The following CSMD1 variants were observed in gnomAD, a reference collection of about 807,000 sequenced individuals.
CSMD1 encodes the protein CUB and Sushi multiple domains 1.
Under a neutral mutation model 417.5 loss-of-function variants are expected in CSMD1, and 213 were observed. That is an observed-to-expected ratio of 0.51 (90% CI 0.46 to 0.57). The LOEUF is 0.57. CSMD1 is among the 20% of genes least tolerant of loss of function. The probability of loss-of-function intolerance (pLI) is 0.00; values close to 1 mark genes in which losing one functional copy is unlikely to be tolerated. For missense variants in CSMD1, 6,923 were observed against 4,529.7 expected (o/e 1.53, Z -15.17); for synonymous variants, 2,862 against 1,736.8 (o/e 1.65, Z -16.11).
chr8:4,484,300 C>G lies in CSMD1; in HGVS notation c.303-64235G>C, dbSNP rs183340625. ...TTTCATTTTGTTTTGTCCCTCTGTC[C>G]TGATCATTTCTAAGTTATCTGGATT... On this transcript the variant is annotated intron_variant, in intron 2 of 69. Transcript: ENST00000635120. Among the ~76,000 whole-genome samples, 3 of 151,942 alleles carry G rather than the reference C, an allele frequency of 2.0e-5. No individual in the cohort carries two copies. The East Asian group carries it at 5.8e-4, about 29-fold the overall frequency.
chr8:4,808,971 T>A (rs74663638), intron 1 of CSMD1, among the ~76,000 whole-genome samples: 1 of 152,112 alleles, frequency 6.6e-6, no homozygotes, highest in African/African-American at 2.4e-5. Flanking sequence ...ATCCAGAAAA[T>A]CTTGTTTAAA....
chr8:4,132,668 A>T (rs1803182412), intron 3 of CSMD1, among the ~76,000 whole-genome samples: 1 of 152,122 alleles, frequency 6.6e-6, no homozygotes, highest in African/African-American at 2.4e-5. Flanking sequence ...ACTCATGACA[A>T]ACCTGATGAG....
intron 2 of CSMD1, among the ~76,000 whole-genome samples, chr8:4,482,846 A>G (rs2130139869): frequency 1.3e-5 from 2 of 152,252 alleles, no homozygotes; most frequent in African/African-American, 2.4e-5. Flanking sequence ...AAAACTCTTA[A>G]TTTGCTATTT....
intron 1 of CSMD1, among the ~76,000 whole-genome samples, chr8:4,779,390 A>G (rs761657418): frequency 6.6e-6 from 1 of 152,212 alleles, no homozygotes; most frequent in Non-Finnish European, 1.5e-5. Context: ...AATCCCTTTA[A>G]AACTTTTATT....
chr8:4,707,752 T>C (rs1808033791), intron 1 of CSMD1, among the ~76,000 whole-genome samples: 1 of 151,758 alleles, frequency 6.6e-6, no homozygotes, highest in African/African-American at 2.4e-5. Context: ...CCGGGCGTCG[T>C]GGCAGGCGCC....
chr8:3,542,636 G>T (rs1798488414), intron 10 of CSMD1, among the ~76,000 whole-genome samples: 1 of 152,150 alleles, frequency 6.6e-6, no homozygotes, highest in Non-Finnish European at 1.5e-5. Context: ...AGATACATAG[G>T]AGGTAACACA....
chr8:4,110,417 T>C (rs1445363992), intron 3 of CSMD1, among the ~76,000 whole-genome samples: 3 of 152,286 alleles, frequency 2.0e-5, no homozygotes, highest in South Asian at 2.1e-4. Context: ...TATAGTACTC[T>C]GGAAATCTAC....
At chr8:3,846,560 T>G (rs1803518607) in intron 5 of CSMD1, among the ~76,000 whole-genome samples, 2 of 152,206 alleles carry the variant, frequency 1.3e-5, no homozygotes, top group Admixed American at 6.5e-5. Flanking sequence ...ATATGAAATG[T>G]TTGACTTTAG....
intron 1 of CSMD1, among the ~76,000 whole-genome samples, chr8:4,934,395 A>G (rs11136806): frequency 0.92 from 140,262 of 152,226 alleles, 64,974 homozygotes; most frequent in East Asian, 1. Context: ...GCCATCAAGA[A>G]TAATAATTCA....
At chr8:3,109,379 T>G (rs950925290) in intron 43 of CSMD1, among the ~76,000 whole-genome samples, 1 of 152,234 alleles carries the variant, frequency 6.6e-6, no homozygotes, top group Non-Finnish European at 1.5e-5. Flanking sequence ...TGTTTTGTTT[T>G]GGTTTTAAAA....
intron 7 of CSMD1, among the ~76,000 whole-genome samples, chr8:3,676,258 C>A (rs1799369683): frequency 6.6e-6 from 1 of 152,078 alleles, no homozygotes. Context: ...CAGTTTTGAT[C>A]CCTGGCCCTA....
At chr8:3,395,548 A>T (rs7841495) in intron 17 of CSMD1, among the ~76,000 whole-genome samples, 85,752 of 152,060 alleles carry the variant, frequency 0.56, 24,655 homozygotes, top group African/African-American at 0.65. Flanking sequence ...AGGGCAGGAA[A>T]ACTTTCCATG....
chr8:4,079,696 C>G (rs1251330615), intron 3 of CSMD1, among the ~76,000 whole-genome samples: 1 of 152,182 alleles, frequency 6.6e-6, no homozygotes, highest in African/African-American at 2.4e-5. Flanking sequence ...CTGTAGTAAA[C>G]TTGCTTTCTT....
intron 5 of CSMD1, among the ~76,000 whole-genome samples, chr8:3,954,107 C>A (rs951639412): frequency 2.0e-5 from 3 of 147,238 alleles, no homozygotes; most frequent in Admixed American, 6.6e-5. Context: ...AGGAACGTGG[C>A]CAGTGGGAGA....
chr8:4,529,979 A>G (rs1796714124), intron 2 of CSMD1, among the ~76,000 whole-genome samples: 1 of 151,640 alleles, frequency 6.6e-6, no homozygotes, highest in Non-Finnish European at 1.5e-5. Context: ...CAGTGGCGAG[A>G]TCCCGGCTCA....
intron 1 of CSMD1, among the ~76,000 whole-genome samples, chr8:4,695,347 G>T (rs1807058395): frequency 6.6e-6 from 1 of 152,168 alleles, no homozygotes; most frequent in African/African-American, 2.4e-5. Context: ...ATCCATGCTT[G>T]AGAGTGAGGA....
chr8:4,400,985 A>C (rs1000686689), intron 3 of CSMD1, among the ~76,000 whole-genome samples: 5 of 152,272 alleles, frequency 3.3e-5, no homozygotes, highest in African/African-American at 9.6e-5. Context: ...GTATTTTAAC[A>C]GGTGTTTCTT....
chr8:4,158,622 T>C (rs1475916254), intron 3 of CSMD1, among the ~76,000 whole-genome samples: 1 of 152,010 alleles, frequency 6.6e-6, no homozygotes, highest in Non-Finnish European at 1.5e-5. Flanking sequence ...GAAATGATAA[T>C]TTTCACAGTG....
At chr8:3,548,364 G>A (rs898479078) in intron 10 of CSMD1, among the ~76,000 whole-genome samples, 7 of 151,990 alleles carry the variant, frequency 4.6e-5, no homozygotes, top group African/African-American at 1.7e-4. Context: ...GTTCTTCAGT[G>A]GTGATTCGTG....
Sources: allele counts gnomAD v4.1 joint callset (sites outside exome capture counted in the v4.1 genomes callset), GRCh38; gene constraint gnomAD v4.1.1; transcripts MANE v1.5; gene names NCBI Gene and HGNC (gene_info 2026-07-23, HGNC 2026-07-21).